COQ3: variants seen among roughly 807,000 people sequenced by gnomAD.
The protein encoded by COQ3 is coenzyme Q3, methyltransferase, also known as ubiquinone biosynthesis O-methyltransferase, mitochondrial.
COQ3 carries 29 observed loss-of-function variants against 33.1 expected under a neutral mutation model. The ratio of observed to expected loss-of-function variants is 0.88; its 90% CI spans 0.65 to 1.19. The LOEUF (loss-of-function observed/expected upper bound fraction) is 1.19, where lower values mean the gene tolerates loss of function less well. Among genes scored for constraint, COQ3 ranks in the 50% most tolerant of loss-of-function variants. The pLI is 0.00. For missense variants in COQ3, 437 were observed against 430.7 expected, an observed-to-expected ratio of 1.01 and a Z score of -0.13; for synonymous variants, 173 against 157.8, an observed-to-expected ratio of 1.10 and a Z score of -0.72.
chr6:99,390,407 C>T (rs1774792427), intron 1 of COQ3, among the ~76,000 whole-genome samples: 1 of 150,082 alleles, frequency 6.7e-6, no homozygotes, highest in Non-Finnish European at 1.5e-5. Flanking sequence ...GATCTCAGCT[C>T]ACTACAAGTT....
In COQ3 at chr6:99,373,194, G is replaced by A. The variant is rs1287864775; in HGVS notation, c.730-1607C>T. Among the ~76,000 whole-genome samples the A allele has an allele frequency of 2.6e-5, 4 of 152,254 alleles. No homozygotes were observed. In the South Asian group the frequency reaches 8.3e-4, roughly 32 times the overall value. On this transcript the variant is annotated intron_variant, in intron 5 of 6. Coordinates refer to ENST00000254759, the MANE Select transcript of COQ3 (RefSeq NM_017421.4). The stretch of plus-strand genomic sequence containing the variant: ...TCATGCCTATAATTCTAGTGCTGAG[G>A]CAGGAGGATTGCTCGAGACCAGGAG...
In COQ3 at chr6:99,369,615, T is replaced by A. The variant is rs146322292; in HGVS notation, c.1095A>T (p.Glu365Asp). Residue 365 changes from glutamate (E) to aspartate (D), a missense_variant, in exon 7 of 7, where the codon GAA (glutamate) becomes GAT (aspartate). Physicochemically the swap from Glu to Asp is conservative, Grantham distance 45. Transcript: ENST00000254759. ...ANACTNPAVH[E>D]KLKK The stretch of plus-strand genomic sequence containing the variant: ...CAGAAACAATTCATTTCTTCAGCTT[T>A]TCATGCACAGCTGGATTGGTGCAGG... 2.4e-4 allele frequency: 391 copies of A among 1,613,390 alleles called. 3 individuals carry two copies. In the East Asian group the frequency reaches 7.5e-3, roughly 31 times the overall value.
rs111805441 is a variant in COQ3, at chr6:99,392,777, C to T, written c.106+1297G>A. ...AGTAGCTGGGATTACAGGCGCCTGC[C>T]GCCACGCCCAGCTAATTTTGTATTT... On this transcript the variant is annotated intron_variant, in intron 1 of 6. Transcript: ENST00000254759. 2.5e-4 allele frequency among the ~76,000 whole-genome samples: 38 copies of T among 152,196 alleles called. 1 individual carries two copies. In the South Asian group the frequency reaches 6.0e-3, roughly 24 times the overall value.
At chr6:99,375,444 C>G (rs950105891) in intron 5 of COQ3, among the ~76,000 whole-genome samples, 1 of 150,460 alleles carries the variant, frequency 6.6e-6, no homozygotes, top group Non-Finnish European at 1.5e-5. Context: ...AGTGCAGTGA[C>G]ACGATCTCGC....
intron 1 of COQ3, among the ~76,000 whole-genome samples, chr6:99,391,645 C>T (rs1774834506): frequency 1.3e-5 from 2 of 152,180 alleles, no homozygotes; most frequent in African/African-American, 4.8e-5. Context: ...CTTACCTCCT[C>T]TATTTCTGGA....
chr6:99,377,317 A>C, intron 4 of COQ3, 69 bp downstream of exon 4: 1 of 1,154,646 alleles, frequency 8.7e-7, no homozygotes, highest in Non-Finnish European at 1.3e-6. Context: ...TTGAAAGAAT[A>C]AATGAGGCAC....
At chr6:99,372,257 C>T (rs1014192331) in intron 5 of COQ3, among the ~76,000 whole-genome samples, 1 of 151,880 alleles carries the variant, frequency 6.6e-6, no homozygotes, top group African/African-American at 2.4e-5. Flanking sequence ...ATATAAAAAT[C>T]AGCTGGGCAT....
rs139629970 is a variant in COQ3 at position 99,370,029 on chromosome 6, G to A, written c.890-209C>T. 8.5e-5 allele frequency among the ~76,000 whole-genome samples: 13 copies of A among 152,206 alleles called. No homozygotes were observed. In the South Asian group the frequency reaches 1.7e-3, roughly 19 times the overall value. ...ATTTACTGCAGAACTTCAGTAAGTCGCAATTAGGACACATACTCCAACGCA... is the reference window on the plus strand; with the variant it reads ...ATTTACTGCAGAACTTCAGTAAGTCACAATTAGGACACATACTCCAACGCA... On this transcript the variant is annotated intron_variant, in intron 6 of 6. Coordinates refer to ENST00000254759, the MANE Select transcript of COQ3 (RefSeq NM_017421.4).
At position 99,376,116 on chromosome 6, in the gene COQ3, G is replaced by A. The variant is rs748552993; in HGVS notation, c.553C>T (p.Gln185Ter). The A allele has an allele frequency of 6.2e-7, 1 of 1,613,996 alleles. No individual in the cohort carries two copies. Among genetic ancestry groups the A allele is most frequent in the Non-Finnish European group, 8.5e-7 (1 of 1,179,916 alleles). ...ACTGGATCAAATGATTTATGGCATT[G>A]TGCTGTTTTAATGTTCTCATCCACA... is the stretch of plus-strand genomic sequence containing the variant. ...DPVDENIKTA[Q>*]CHKSFDPVLD... The change falls in exon 5 of 7, where the codon CAA becomes TAA. Residue 185 changes from glutamine (Q) to a stop codon, truncating the protein, a stop_gained. Transcript: ENST00000254759. LOFTEE classifies it high-confidence loss of function.
intron 3 of COQ3, among the ~76,000 whole-genome samples, chr6:99,378,105 C>CATATGT (rs1774346945): frequency 1.3e-5 from 1 of 77,582 alleles, no homozygotes; most frequent in African/African-American, 6.3e-5. Flanking sequence ...GTAAACTAAA[C>CATATGT]ATATATATAT....
At chr6:99,372,211 C>T (rs1055083892) in intron 5 of COQ3, among the ~76,000 whole-genome samples, 2 of 152,056 alleles carry the variant, frequency 1.3e-5, no homozygotes, top group Non-Finnish European at 2.9e-5. Context: ...TGAGACCAGA[C>T]TGGCCAACAT....
intron 2 of COQ3, among the ~76,000 whole-genome samples, chr6:99,380,832 G>A (rs1774453571): frequency 6.6e-6 from 1 of 151,984 alleles, no homozygotes; most frequent in Admixed American, 6.6e-5. Context: ...GCTTGAATCC[G>A]GGAGGTGGAG....
At chr6:99,379,781 G>C (rs994322864) in intron 3 of COQ3, among the ~76,000 whole-genome samples, 1 of 152,090 alleles carries the variant, frequency 6.6e-6, no homozygotes, top group African/African-American at 2.4e-5. Flanking sequence ...CTTGAAACCA[G>C]GAGGTGGAGG....
intron 1 of COQ3, among the ~76,000 whole-genome samples, chr6:99,391,097 T>TGA (rs766184934): frequency 0.11 from 16,576 of 147,016 alleles, 1,105 homozygotes; most frequent in Admixed American, 0.18. Context: ...ATTTATTTAT[T>TGA]TATTTATTTA....
intron 1 of COQ3, among the ~76,000 whole-genome samples, chr6:99,388,155 A>G (rs1031391508): frequency 1.1e-4 from 17 of 152,004 alleles, no homozygotes; most frequent in Non-Finnish European, 1.9e-4. Flanking sequence ...CAAAAGCGAA[A>G]CTCCATCTCC....
intron 2 of COQ3, among the ~76,000 whole-genome samples, chr6:99,382,139 G>A (rs144153048): frequency 1.3e-5 from 2 of 152,186 alleles, no homozygotes; most frequent in Non-Finnish European, 2.9e-5. Flanking sequence ...TTAGTGACTA[G>A]TACAGTTCCT....
intron 1 of COQ3, among the ~76,000 whole-genome samples, chr6:99,388,933 ACC>A (rs1213807730): frequency 1.3e-4 from 7 of 52,434 alleles, no homozygotes; most frequent in African/African-American, 3.1e-4. Flanking sequence ...ACACACACAC[ACC>A]CACATCCTCA....
chr6:99,377,528 T>C (rs774266033), intron 3 of COQ3, 43 bp from the exon 4 acceptor site: 2 of 1,408,242 alleles, frequency 1.4e-6, no homozygotes, highest in Non-Finnish European at 2.0e-6. Flanking sequence ...AATAATTAAT[T>C]TTATCAACGA....
chr6:99,384,748 C>G (rs1774570088), intron 1 of COQ3, among the ~76,000 whole-genome samples: 1 of 152,010 alleles, frequency 6.6e-6, no homozygotes, highest in Non-Finnish European at 1.5e-5. Flanking sequence ...AAGAAAGTAC[C>G]AGAAACAAAG....
Sources: gnomAD v4.1 joint callset for allele counts (sites outside exome capture counted in the v4.1 genomes callset) on GRCh38, gnomAD v4.1.1 for gene constraint, MANE v1.5 for transcripts, NCBI Gene and HGNC (gene_info 2026-07-23, HGNC 2026-07-21) for gene names.